Variants in FBXO5 observed in about 807,000 individuals in gnomAD.
FBXO5 encodes the protein F-box only protein 5.
A neutral mutation model predicts 43.3 loss-of-function variants in FBXO5; 8 were observed. That is an observed-to-expected ratio of 0.18 (90% CI 0.11 to 0.33). FBXO5 has a LOEUF of 0.33. FBXO5 is among the 10% of genes least tolerant of loss of function. The probability of loss-of-function intolerance (pLI) is 1.00; values close to 1 mark genes in which losing one functional copy is unlikely to be tolerated. For missense variants in FBXO5, 491 were observed against 535.7 expected, an observed-to-expected ratio of 0.92 and a Z score of 0.82; for synonymous variants, 204 against 193.7, an observed-to-expected ratio of 1.05 and a Z score of -0.44.
In FBXO5 at chr6:152,972,257, T is replaced by C; in HGVS notation, c.1092+15A>G. 1 of 1,584,542 alleles carries C rather than the reference T, an allele frequency of 6.3e-7. No individual in the cohort carries two copies. Among genetic ancestry groups the C allele is most frequent in the Non-Finnish European group, 8.6e-7 (1 of 1,160,656 alleles). On this transcript the variant is annotated intron_variant, in intron 4 of 4. Coordinates refer to ENST00000229758, the MANE Select transcript of FBXO5 (RefSeq NM_012177.5). ...TCTCTTATGTTTTAAGATTTATGAT[T>C]AGACAAAAAATTACCTCAGAGAATT...
rs1389915398 is a variant in FBXO5, at chr6:152,970,946, T to C, written c.*217A>G. 3 of 406,332 alleles carry C rather than the reference T, an allele frequency of 7.4e-6. No individual in the cohort carries two copies. The highest frequency in any genetic ancestry group is 3.9e-5 in the East Asian group (1 of 25,712). 25.2% of individuals were successfully genotyped at this position (406,332 alleles called of 1,614,324 possible). ...CTTTTTTCTTAAAATATTTAAATTG[T>C]TTGATTTGTATTGAGAATTTTAAAC... On this transcript the variant is annotated 3_prime_UTR_variant, in exon 5 of 5. Transcript: ENST00000229758.
At chr6:152,971,737 A>G (rs554556285) in intron 4 of FBXO5, among the ~76,000 whole-genome samples, 1 of 152,350 alleles carries the variant, frequency 6.6e-6, no homozygotes. Flanking sequence ...TATCTAAATT[A>G]AGCTTGCAAA....
intron 1 of FBXO5, among the ~76,000 whole-genome samples, chr6:152,976,623 T>C (rs564187971): frequency 2.6e-5 from 4 of 152,240 alleles, no homozygotes; most frequent in Non-Finnish European, 5.9e-5. Flanking sequence ...ATATGAGTGA[T>C]AGGGCAGCAG....
Position 152,970,945 on chromosome 6 carries a change from G to A in FBXO5, c.*218C>T, listed in dbSNP as rs904808144. 1.3e-5 allele frequency: 5 copies of A among 397,114 alleles called. No individual in the cohort carries two copies. The highest frequency in any genetic ancestry group is 6.2e-5 in the African/African-American group (3 of 48,018). 24.6% of individuals were successfully genotyped at this position (397,114 alleles called of 1,614,324 possible). ...CCTTTTTTCTTAAAATATTTAAATT[G>A]TTTGATTTGTATTGAGAATTTTAAA... On this transcript the variant is annotated 3_prime_UTR_variant, in exon 5 of 5. Transcript: ENST00000229758.
At position 152,970,910 on chromosome 6, in the gene FBXO5, A is replaced by ATCTACTTT; in HGVS notation, c.*245_*252dup. ...ATTTTTTTTTACCCTCAGTATCACT[A>ATCTACTTT]TCTACTTTTCCTTTTTTCTTAAAAT... On this transcript the variant is annotated 3_prime_UTR_variant, in exon 5 of 5. Coordinates refer to ENST00000229758, the MANE Select transcript of FBXO5 (RefSeq NM_012177.5). 3.2e-6 allele frequency: 1 copy of ATCTACTTT among 315,898 alleles called. No homozygotes were observed. The highest frequency in any genetic ancestry group is 5.7e-6 in the Non-Finnish European group (1 of 174,634). The allele number at this position is 315,898 out of a possible 1,614,324, so 19.6% of individuals were successfully genotyped here.
chr6:152,975,425 A>C lies in FBXO5; in HGVS notation c.300T>G (p.Ile100Met). The C allele has an allele frequency of 6.2e-7, 1 of 1,613,936 alleles. No individual in the cohort carries two copies. Among genetic ancestry groups the C allele is most frequent in the Non-Finnish European group, 8.5e-7 (1 of 1,179,970 alleles). ...CAAGTTGTACAATCCTAGGGCTCAC[A>C]ATCGGTGACCCAATACATGACAGCC... ...YERLSCIGSP[I>M]VSPRIVQLET... The change falls in exon 2 of 5, where the codon ATT (isoleucine) becomes ATG (methionine). Residue 100 changes from isoleucine (I) to methionine (M), a missense_variant. Physicochemically the swap from Ile to Met is conservative, Grantham distance 10 (BLOSUM62 1). Coordinates refer to ENST00000229758, the MANE Select transcript of FBXO5 (RefSeq NM_012177.5).
chr6:152,975,240 CCTT>C lies in FBXO5; in HGVS notation c.482_484del (p.Glu161del). 1 of 1,614,134 alleles carries C rather than the reference CCTT, an allele frequency of 6.2e-7. No individual in the cohort carries two copies. Among genetic ancestry groups the C allele is most frequent in the Non-Finnish European group, 8.5e-7 (1 of 1,180,016 alleles). Reference sequence around the variant, plus strand: ...ACCGAAATTCTCCTCCAGGAGGCTACCTTCTTCATGTTCACTGAGGCCACTTTG... The same window carrying C: ...ACCGAAATTCTCCTCCAGGAGGCTACCTTCATGTTCACTGAGGCCACTTTG... On this transcript the variant is annotated inframe_deletion, in exon 2 of 5. Transcript: ENST00000229758.
At chr6:152,983,224 T>G (rs1778295976), upstream of FBXO5, 1 of 361,268 alleles carries the variant, frequency 2.8e-6, no homozygotes, top group Non-Finnish European at 5.0e-6. Flanking sequence ...CCAGCCCCCT[T>G]CCAGCTTACC....
chr6:152,976,779 G>C (rs1562291743), intron 1 of FBXO5, among the ~76,000 whole-genome samples: 1 of 152,152 alleles, frequency 6.6e-6, no homozygotes. Flanking sequence ...AGACACAATG[G>C]AGCAGGCAGC....
chr6:152,971,109 C>T lies in FBXO5; in HGVS notation c.*54G>A, dbSNP rs555149657. 1 of 1,506,044 alleles carries T rather than the reference C, an allele frequency of 6.6e-7. No homozygotes were observed. Among genetic ancestry groups the T allele is most frequent in the African/African-American group, 1.4e-5 (1 of 71,392 alleles). 93.3% of individuals were successfully genotyped at this position (1,506,044 alleles called of 1,614,324 possible). On this transcript the variant is annotated 3_prime_UTR_variant, in exon 5 of 5. Coordinates refer to ENST00000229758, the MANE Select transcript of FBXO5 (RefSeq NM_012177.5). ...CAATACAATTTTTTTTAAGTTAAAA[C>T]CTAACATTTTCTAACTAACATTCAT...
In FBXO5 at chr6:152,970,666, T is replaced by C; in HGVS notation, c.*497A>G. The C allele has an allele frequency of 6.6e-6, 1 of 152,228 alleles. No homozygotes were observed. Among genetic ancestry groups the C allele is most frequent in the Non-Finnish European group, 1.5e-5 (1 of 68,040 alleles). 9.4% of individuals were successfully genotyped at this position (152,228 alleles called of 1,614,324 possible). On this transcript the variant is annotated 3_prime_UTR_variant, in exon 5 of 5. Coordinates refer to ENST00000229758, the MANE Select transcript of FBXO5 (RefSeq NM_012177.5). The stretch of plus-strand genomic sequence containing the variant: ...TTCAGAAATAAGGAAAACAAGCAAG[T>C]TTTTACAAAGGATACTTTCTTGGGA...
Position 152,978,376 on chromosome 6 carries a change from T to TGGGGGGGGGGG in FBXO5, c.104-2756_104-2755insCCCCCCCCCCC, listed in dbSNP as rs1234180495. 2.3e-3 allele frequency among the ~76,000 whole-genome samples: 13 copies of TGGGGGGGGGGG among 5,710 alleles called. 6 individuals carry two copies. Among genetic ancestry groups the TGGGGGGGGGGG allele is most frequent in the East Asian group, 0.022 (2 of 92 alleles). 3.7% of individuals were successfully genotyped at this position (5,710 alleles called of 152,430 possible). ...CATTAATCATGGAGAGCTTCATTTT[T>TGGGGGGGGGGG]TGGGGGGGGGGGGGGGGCGGGGGAC... On this transcript the variant is annotated intron_variant, in intron 1 of 4. Transcript: ENST00000229758.
At chr6:152,982,136 T>A (rs1171521773) in intron 1 of FBXO5, among the ~76,000 whole-genome samples, 2 of 152,084 alleles carry the variant, frequency 1.3e-5, no homozygotes, top group Admixed American at 6.5e-5. Flanking sequence ...GGAGAAAAAA[T>A]TGGGAAAAAG....
chr6:152,975,266 T>C lies in FBXO5; in HGVS notation c.459A>G (p.Gln153=), dbSNP rs1284155734. 1 of 1,614,038 alleles carries C rather than the reference T, an allele frequency of 6.2e-7. No individual in the cohort carries two copies. Among genetic ancestry groups the C allele is most frequent in the Non-Finnish European group, 8.5e-7 (1 of 1,180,022 alleles). The part of the protein sequence containing the change: ...EDSGYSSFSL[Q]SGLSEHEEGS... The stretch of plus-strand genomic sequence containing the variant: ...CTTCTTCATGTTCACTGAGGCCACT[T>C]TGTAGAGAAAATGAGGAATAGCCAC... Residue 153 remains glutamine, a synonymous_variant, in exon 2 of 5, where the codon CAA becomes CAG. Transcript: ENST00000229758.
chr6:152,977,755 A>T (rs1778195627), intron 1 of FBXO5, among the ~76,000 whole-genome samples: 1 of 152,170 alleles, frequency 6.6e-6, no homozygotes, highest in Non-Finnish European at 1.5e-5. Context: ...TGAAGGGCAC[A>T]CTCTGCTTTG....
intron 1 of FBXO5, among the ~76,000 whole-genome samples, chr6:152,978,251 T>A (rs1213399136): frequency 6.6e-6 from 1 of 151,876 alleles, no homozygotes; most frequent in Admixed American, 6.6e-5. Context: ...CCTTTTCCAG[T>A]CCTTAGTAAC....
intron 1 of FBXO5, among the ~76,000 whole-genome samples, chr6:152,982,293 G>A (rs928094891): frequency 6.6e-6 from 1 of 152,172 alleles, no homozygotes; most frequent in Admixed American, 6.5e-5. Flanking sequence ...CGCGGAGGAG[G>A]CGGGAGATAA....
intron 1 of FBXO5, among the ~76,000 whole-genome samples, chr6:152,977,271 C>T (rs2129093975): frequency 6.6e-6 from 1 of 152,288 alleles, no homozygotes; most frequent in South Asian, 2.1e-4. Context: ...ACAAGCCAAT[C>T]ATATATAGCT....
At chr6:152,981,358 A>C (rs1285534347) in intron 1 of FBXO5, among the ~76,000 whole-genome samples, 2 of 152,240 alleles carry the variant, frequency 1.3e-5, no homozygotes, top group Non-Finnish European at 2.9e-5. Flanking sequence ...AGTCCTTAAA[A>C]ATCTTTGTAA....
Sources: allele counts gnomAD v4.1 joint callset (sites outside exome capture counted in the v4.1 genomes callset), GRCh38; gene constraint gnomAD v4.1.1; transcripts MANE v1.5; gene names NCBI Gene and HGNC (gene_info 2026-07-23, HGNC 2026-07-21).